USP48: variants seen among roughly 807,000 people sequenced by gnomAD.
USP48 encodes ubiquitin specific peptidase 48.
A neutral mutation model predicts 150.7 loss-of-function variants in USP48; 43 were observed. That is an observed-to-expected ratio of 0.29 (90% CI 0.22 to 0.37). The LOEUF (loss-of-function observed/expected upper bound fraction) is 0.37. Among genes scored for constraint, USP48 ranks in the 10% least tolerant of loss-of-function variants. The pLI is 1.00. For missense variants in USP48, 813 were observed against 1,249.6 expected, an observed-to-expected ratio of 0.65 and a Z score of 5.27; for synonymous variants, 396 against 425.9, an observed-to-expected ratio of 0.93 and a Z score of 0.86.
At chr1:21,708,621 C>T (rs1447674360) in intron 15 of USP48, among the ~76,000 whole-genome samples, 6 of 151,868 alleles carry the variant, frequency 4.0e-5, no homozygotes, top group African/African-American at 1.5e-4. Context: ...CAGTGGCTCA[C>T]GCCTGTAATC....
At chr1:21,682,615 G>A (rs927046376) in intron 25 of USP48, among the ~76,000 whole-genome samples, 5 of 152,096 alleles carry the variant, frequency 3.3e-5, no homozygotes, top group Non-Finnish European at 5.9e-5. Flanking sequence ...AGTGGCTCAC[G>A]CCTGTAATCT....
chr1:21,745,489 C>T (rs2097792422), intron 8 of USP48, among the ~76,000 whole-genome samples: 1 of 151,962 alleles, frequency 6.6e-6, no homozygotes, highest in Non-Finnish European at 1.5e-5. Flanking sequence ...GCCCAGGAGG[C>T]TGAGTCCGTG....
At chr1:21,731,248 A>C in intron 9 of USP48, among the ~76,000 whole-genome samples, 1 of 152,162 alleles carries the variant, frequency 6.6e-6, no homozygotes, top group Non-Finnish European at 1.5e-5. Context: ...TAATTGCCCA[A>C]ATAAATAAAA....
intron 8 of USP48, among the ~76,000 whole-genome samples, chr1:21,738,349 C>G (rs931364438): frequency 7.0e-6 from 1 of 143,496 alleles, no homozygotes; most frequent in East Asian, 2.1e-4. Flanking sequence ...TAAGCCACCA[C>G]GCCTGGCCTT....
chr1:21,739,252 G>A (rs1421814599), intron 8 of USP48, among the ~76,000 whole-genome samples: 1 of 151,958 alleles, frequency 6.6e-6, no homozygotes, highest in Admixed American at 6.6e-5. Flanking sequence ...GGGCGCAGTG[G>A]CTCACACCTA....
intron 8 of USP48, among the ~76,000 whole-genome samples, chr1:21,740,602 C>T (rs772651014): frequency 9.9e-5 from 15 of 152,168 alleles, no homozygotes; most frequent in Non-Finnish European, 1.8e-4. Flanking sequence ...GGTCCTGGGA[C>T]GAGTGACAAT....
chr1:21,771,917 T>TC (rs951528661), intron 1 of USP48, among the ~76,000 whole-genome samples: 1 of 146,892 alleles, frequency 6.8e-6, no homozygotes, highest in African/African-American at 2.5e-5. Flanking sequence ...AAACTCCATC[T>TC]CAAAAAAAAA....
chr1:21,743,876 A>G (rs1030176166), intron 8 of USP48, among the ~76,000 whole-genome samples: 1 of 152,190 alleles, frequency 6.6e-6, no homozygotes, highest in African/African-American at 2.4e-5. Context: ...TGAAACTTCA[A>G]CTATAGAAGG....
chr1:21,689,313 G>GA (rs36100530), intron 24 of USP48, among the ~76,000 whole-genome samples: 4,598 of 79,974 alleles, frequency 0.057, 177 homozygotes, highest in African/African-American at 0.15. Context: ...CCAAAAAAAG[G>GA]AAAAAAAAAA....
rs2097719365 is a variant in USP48, at chr1:21,721,031, G to A, written c.1894+5C>T. The A allele has an allele frequency of 3.1e-6, 5 of 1,613,964 alleles. No individual in the cohort carries two copies. In the African/African-American group the frequency reaches 4.0e-5, roughly 13 times the overall value. On this transcript the variant is annotated splice_donor_5th_base_variant and intron_variant, in intron 14 of 26. Coordinates refer to ENST00000308271, the MANE Select transcript of USP48 (RefSeq NM_032236.8). ...AATGATCTACACATAGGTTTAAAGT[G>A]TTACCTTTATTTAAGGTGCTACCGT...
chr1:21,721,034 A>C lies in USP48; in HGVS notation c.1894+2T>G. The C allele has an allele frequency of 2.5e-6, 4 of 1,614,148 alleles. No homozygotes were observed. Among genetic ancestry groups the C allele is most frequent in the Non-Finnish European group, 3.4e-6 (4 of 1,179,986 alleles). On this transcript the variant is annotated splice_donor_variant, in intron 14 of 26. Transcript: ENST00000308271. LOFTEE classifies it high-confidence loss of function. The stretch of plus-strand genomic sequence containing the variant: ...GATCTACACATAGGTTTAAAGTGTT[A>C]CCTTTATTTAAGGTGCTACCGTTCA...
intron 12 of USP48, among the ~76,000 whole-genome samples, chr1:21,722,373 T>C (rs1271907804): frequency 3.3e-5 from 5 of 150,250 alleles, no homozygotes; most frequent in Admixed American, 3.3e-4. Flanking sequence ...ACCCTGTCTC[T>C]ACAAAAAGTG....
chr1:21,687,532 C>A (rs538410225), intron 24 of USP48, among the ~76,000 whole-genome samples: 1 of 152,174 alleles, frequency 6.6e-6, no homozygotes, highest in Non-Finnish European at 1.5e-5. Context: ...TGTTTAGACA[C>A]CCTGGGGTTA....
In USP48 at chr1:21,755,237, C is replaced by CTTT. The variant is rs1400132227; in HGVS notation, c.412+1308_412+1309insAAA. ...TCAAAATAAAGATAAAATATTACTC[C>CTTT]TTGGCCTGCAAAAGCATTGCAGGCC... On this transcript the variant is annotated intron_variant, in intron 3 of 26. Transcript: ENST00000308271. Among the ~76,000 whole-genome samples, 5 of 152,180 alleles carry CTTT rather than the reference C, an allele frequency of 3.3e-5. 1 individual carries two copies. In the East Asian group the frequency reaches 9.7e-4, roughly 29 times the overall value.
chr1:21,719,269 G>A (rs1424482751), intron 14 of USP48, among the ~76,000 whole-genome samples: 3 of 148,678 alleles, frequency 2.0e-5, no homozygotes, highest in African/African-American at 7.5e-5. Flanking sequence ...GGGACAGAGT[G>A]ATATTCCATC....
intron 25 of USP48, 92 bp downstream of exon 25, chr1:21,687,094 TCAAAG>T: frequency 8.6e-7 from 1 of 1,168,344 alleles, no homozygotes. Flanking sequence ...TTTTCAAGGT[TCAAAG>T]TAAAAGCACT....
At chr1:21,705,979 A>AT (rs11426922) in intron 18 of USP48, 142 bp from the exon 19 acceptor site, 1,052,929 of 1,059,752 alleles carry the variant, frequency 0.99, 523,204 homozygotes, top group Non-Finnish European at 1. Context: ...TATTCATTTA[A>AT]TTAATAGAAA....
rs2097557833 is a variant in USP48, at chr1:21,678,844, G to A, written c.*573C>T. On this transcript the variant is annotated 3_prime_UTR_variant, in exon 27 of 27. Coordinates refer to ENST00000308271, the MANE Select transcript of USP48 (RefSeq NM_032236.8). ...ACGGCCGGGCAGGTGTAAGGCGGGT[G>A]GCGCTGCAGCTGACATGGAGAAGAG... is the stretch of plus-strand genomic sequence containing the variant. The A allele has an allele frequency of 6.3e-6, 1 of 158,900 alleles. No homozygotes were observed. Among genetic ancestry groups the A allele is most frequent in the Admixed American group, 6.5e-5 (1 of 15,464 alleles). The allele number at this position is 158,900 out of a possible 1,614,324, so 9.8% of individuals were successfully genotyped here. A position where few individuals can be genotyped will look rare whatever the true frequency, so the allele number is the denominator to read the frequency against.
intron 15 of USP48, among the ~76,000 whole-genome samples, chr1:21,709,567 G>A (rs2097684662): frequency 2.0e-5 from 3 of 148,996 alleles, no homozygotes; most frequent in Admixed American, 6.7e-5. Context: ...ATATTTAAAT[G>A]GTTTCCTTTT....
Sources: allele counts gnomAD v4.1 joint callset (sites outside exome capture counted in the v4.1 genomes callset), GRCh38; gene constraint gnomAD v4.1.1; transcripts MANE v1.5; gene names NCBI Gene and HGNC (gene_info 2026-07-23, HGNC 2026-07-21).